The following DNAH8 variants were observed in gnomAD, a reference collection of about 807,000 sequenced individuals.
The protein encoded by DNAH8 is axonemal beta dynein heavy chain 8.
In DNAH8, 382 loss-of-function variants were observed where a neutral mutation model predicts 562.1. The observed-to-expected ratio is 0.68, with a 90% CI of 0.63 to 0.74. The LOEUF (loss-of-function observed/expected upper bound fraction) is 0.74, where lower values mean the gene tolerates loss of function less well. Ranked by LOEUF, DNAH8 falls within the 30% of genes least tolerant of loss-of-function variation. DNAH8 has a pLI of 0.00. For missense variants in DNAH8, 5,203 were observed against 5,620.4 expected (o/e 0.93, Z 2.37); for synonymous variants, 1,881 against 1,919.4 (o/e 0.98, Z 0.52).
intron 8 of DNAH8, among the ~76,000 whole-genome samples, chr6:38,750,266 A>G (rs1765322680): frequency 6.6e-6 from 1 of 152,222 alleles, no homozygotes; most frequent in South Asian, 2.1e-4. Context: ...TTTTAATTAC[A>G]AACAGAATGA....
At chr6:38,929,388 A>C in intron 74 of DNAH8, 123 bp from the exon 75 acceptor site, 1 of 998,024 alleles carries the variant, frequency 1.0e-6, no homozygotes, top group Non-Finnish European at 1.4e-6. Context: ...TAATTTTTTT[A>C]AGTAAGTCTT....
chr6:38,959,715 A>G (rs1225160247), intron 82 of DNAH8, among the ~76,000 whole-genome samples: 1 of 152,100 alleles, frequency 6.6e-6, no homozygotes, highest in Non-Finnish European at 1.5e-5. Flanking sequence ...GCAGATTCAC[A>G]TGCAATCTTT....
Position 38,872,653 on chromosome 6 carries a change from AGAG to A in DNAH8, c.7109_7111del (p.Arg2370_Glu2371delinsLys). 1.2e-6 allele frequency: 2 copies of A among 1,614,156 alleles called. No homozygotes were observed. The highest frequency in any genetic ancestry group is 1.7e-6 in the Non-Finnish European group (2 of 1,179,984). On this transcript the variant is annotated inframe_deletion, in exon 50 of 93. Coordinates refer to ENST00000327475, the MANE Select transcript of DNAH8 (RefSeq NM_001206927.2). ...GCAAACAGAATGCGGAAGGCCTCAT[AGAG>A]AAATGCGAATGAATCCAAAAGCCAT...
chr6:38,726,002 G>T (rs556848189), intron 3 of DNAH8, among the ~76,000 whole-genome samples: 7 of 152,244 alleles, frequency 4.6e-5, no homozygotes, highest in African/African-American at 1.4e-4. Flanking sequence ...TAAGCAATTG[G>T]TGCAAAACAA....
chr6:38,862,508 C>A, intron 44 of DNAH8, 50 bp downstream of exon 44: 1 of 1,545,934 alleles, frequency 6.5e-7, no homozygotes, highest in Non-Finnish European at 8.8e-7. Flanking sequence ...TTTTTATTGC[C>A]TTTTAATGTT....
intron 12 of DNAH8, among the ~76,000 whole-genome samples, chr6:38,772,996 T>TTTTTTTTTTGTTG (rs1554205957): frequency 4.9e-4 from 54 of 109,972 alleles, no homozygotes; most frequent in African/African-American, 1.6e-3. Context: ...TTTTTTTTTT[T>TTTTTTTTTTGTTG]TTGTAGAGAT....
chr6:38,722,653 C>G (rs190148169), intron 1 of DNAH8, 123 bp from the exon 2 acceptor site: 245 of 786,662 alleles, frequency 3.1e-4, no homozygotes, highest in Admixed American at 3.1e-3. Context: ...ACTAAGCTTC[C>G]TTAGATAATA....
At chr6:38,780,728 A>G (rs1768499890) in intron 15 of DNAH8, among the ~76,000 whole-genome samples, 1 of 152,182 alleles carries the variant, frequency 6.6e-6, no homozygotes, top group Admixed American at 6.5e-5. Context: ...AAAGCAACTA[A>G]TGGACACTAA....
At chr6:38,913,814 A>G (rs1781088079) in intron 66 of DNAH8, 35 bp from the exon 67 acceptor site, 1 of 1,449,326 alleles carries the variant, frequency 6.9e-7, no homozygotes, top group Admixed American at 1.7e-5. Context: ...ATATACCTGT[A>G]CTCAGTAAAG....
At chr6:38,962,954 A>G (rs140025338) in intron 82 of DNAH8, among the ~76,000 whole-genome samples, 6 of 152,284 alleles carry the variant, frequency 3.9e-5, no homozygotes, top group Admixed American at 2.6e-4. Flanking sequence ...GAATGATACA[A>G]TGGACTTTGG....
chr6:38,768,176 T>C (rs1184527804), intron 11 of DNAH8, among the ~76,000 whole-genome samples: 1 of 152,180 alleles, frequency 6.6e-6, no homozygotes, highest in East Asian at 1.9e-4. Context: ...TTGTTGTTGT[T>C]GAGTTGTAGG....
At chr6:38,745,170 T>G (rs1195094092) in intron 8 of DNAH8, among the ~76,000 whole-genome samples, 1 of 152,174 alleles carries the variant, frequency 6.6e-6, no homozygotes, top group African/African-American at 2.4e-5. Flanking sequence ...ATTCCTCACC[T>G]GTAACACAAC....
chr6:38,827,515 A>G (rs1773443823), intron 29 of DNAH8, among the ~76,000 whole-genome samples: 1 of 152,058 alleles, frequency 6.6e-6, no homozygotes, highest in African/African-American at 2.4e-5. Context: ...TGACACCACT[A>G]CTGCCTCTTT....
chr6:38,941,836 A>G (rs1019889664), intron 79 of DNAH8, among the ~76,000 whole-genome samples: 2 of 152,156 alleles, frequency 1.3e-5, no homozygotes, highest in African/African-American at 2.4e-5. Context: ...GGGAAGCCTC[A>G]TATCTATGCA....
intron 91 of DNAH8, among the ~76,000 whole-genome samples, chr6:39,026,085 A>G (rs1018556150): frequency 1.8e-4 from 27 of 152,320 alleles, no homozygotes; most frequent in African/African-American, 6.0e-4. Flanking sequence ...ATTATGCCTT[A>G]TTTCCCTAGA....
At chr6:38,873,753 C>CACACAT (rs1554123983) in intron 52 of DNAH8, among the ~76,000 whole-genome samples, 67 of 99,198 alleles carry the variant, frequency 6.8e-4, no homozygotes, top group Middle Eastern at 9.8e-3. Context: ...CACACACACA[C>CACACAT]ACACACACAC....
intron 33 of DNAH8, among the ~76,000 whole-genome samples, chr6:38,841,996 A>G (rs1317855107): frequency 1.3e-5 from 2 of 152,240 alleles, no homozygotes; most frequent in Non-Finnish European, 2.9e-5. Context: ...TTGAAAGAAA[A>G]AAAAGTCAAA....
At chr6:38,942,604 T>A (rs919870513) in intron 79 of DNAH8, among the ~76,000 whole-genome samples, 1 of 151,782 alleles carries the variant, frequency 6.6e-6, no homozygotes, top group African/African-American at 2.4e-5. Flanking sequence ...AGACTAGAGG[T>A]CAAACCAAAA....
chr6:39,004,507 G>A (rs35703191), intron 88 of DNAH8, among the ~76,000 whole-genome samples: 1 of 152,022 alleles, frequency 6.6e-6, no homozygotes, highest in Non-Finnish European at 1.5e-5. Flanking sequence ...TTCTATTTTT[G>A]TATGAAAATG....
Sources: allele counts gnomAD v4.1 joint callset (sites outside exome capture counted in the v4.1 genomes callset), GRCh38; gene constraint gnomAD v4.1.1; transcripts MANE v1.5; gene names NCBI Gene and HGNC (gene_info 2026-07-23, HGNC 2026-07-21).